FOCAD: variants seen among roughly 807,000 people sequenced by gnomAD.
The protein encoded by FOCAD is KIAA1797.
In FOCAD, 198 loss-of-function variants were observed where a neutral mutation model predicts 225.6. The observed-to-expected ratio is 0.88, with a 90% confidence interval of 0.78 to 0.99. The LOEUF (loss-of-function observed/expected upper bound fraction) is 0.99. Among genes scored for constraint, FOCAD ranks in the 50% least tolerant of loss-of-function variants. The pLI is 0.00. For synonymous variants in FOCAD, 897 were observed against 755.0 expected, an observed-to-expected ratio of 1.19 and a Z score of -3.08; for missense variants, 2,713 against 2,123.6, an observed-to-expected ratio of 1.28 and a Z score of -5.46.
intron 21 of FOCAD, among the ~76,000 whole-genome samples, chr9:20,901,062 C>T (rs1043871236): frequency 1.3e-5 from 2 of 151,774 alleles, no homozygotes; most frequent in Admixed American, 1.3e-4. Context: ...TTATTTTGCC[C>T]CAACAAGATT....
chr9:20,852,271 G>A (rs1827734152), intron 15 of FOCAD, among the ~76,000 whole-genome samples: 1 of 151,654 alleles, frequency 6.6e-6, no homozygotes, highest in Admixed American at 6.6e-5. Flanking sequence ...GTAGATTATA[G>A]GTTTTGTCTT....
At chr9:20,914,631 G>T (rs1833724722) in intron 23 of FOCAD, among the ~76,000 whole-genome samples, 1 of 152,192 alleles carries the variant, frequency 6.6e-6, no homozygotes, top group South Asian at 2.1e-4. Context: ...GGCAAAGCCT[G>T]TGTGGCATGG....
rs139308244 is a variant in FOCAD at position 20,702,139 on chromosome 9, G to C, written c.-32-13183G>C. On this transcript the variant is annotated intron_variant, in intron 1 of 43. Transcript: ENST00000338382. ...ATTATTAGCTATAGGGCATTGTTCT[G>C]TTGCCCAGGCTGGAGTGCAGTGGCA... Among the ~76,000 whole-genome samples the C allele has an allele frequency of 2.2e-4, 33 of 152,106 alleles. 1 individual carries two copies. The East Asian group carries it at 6.4e-3, about 29-fold the overall frequency.
chr9:20,664,099 G>A (rs1413634139), intron 2 of FOCAD, among the ~76,000 whole-genome samples: 5 of 151,830 alleles, frequency 3.3e-5, no homozygotes, highest in Non-Finnish European at 7.4e-5. Context: ...TGAAATGAAT[G>A]TATTAACTCT....
intron 8 of FOCAD, 70 bp downstream of exon 8, chr9:20,770,308 A>T (rs1055753914): frequency 7.2e-7 from 1 of 1,397,256 alleles, no homozygotes; most frequent in African/African-American, 1.4e-5. Context: ...GGTAATTTAT[A>T]AAGAAATGAG....
rs569873960 is a variant in FOCAD at position 20,750,275 on chromosome 9, G to T, written c.393-7815G>T. On this transcript the variant is annotated intron_variant, in intron 5 of 43. Coordinates refer to ENST00000338382, the MANE Select transcript of FOCAD (RefSeq NM_001375567.1). Reference sequence around the variant, plus strand: ...TACGTTTATTGTAGATAGGCATTTGGCACTGAAAGGGAAACAAAAAGATTA... The same window carrying T: ...TACGTTTATTGTAGATAGGCATTTGTCACTGAAAGGGAAACAAAAAGATTA... Among the ~76,000 whole-genome samples the T allele has an allele frequency of 2.6e-4, 40 of 152,226 alleles. 1 individual carries two copies. The highest frequency in any genetic ancestry group is 2.1e-4 in the South Asian group (1 of 4,832).
At chr9:20,935,630 C>T (rs1004820864) in intron 28 of FOCAD, among the ~76,000 whole-genome samples, 2 of 152,204 alleles carry the variant, frequency 1.3e-5, no homozygotes, top group African/African-American at 4.8e-5. Flanking sequence ...AACTCCTGAC[C>T]TCATGTGATC....
chr9:20,706,951 G>A (rs963848055), intron 1 of FOCAD, among the ~76,000 whole-genome samples: 5 of 152,172 alleles, frequency 3.3e-5, no homozygotes, highest in Admixed American at 6.5e-5. Flanking sequence ...CTCTGGTTCC[G>A]AAGAGAGAGT....
chr9:20,882,224 C>G (rs1180335077), intron 20 of FOCAD, among the ~76,000 whole-genome samples, 168 bp downstream of exon 20: 2 of 152,106 alleles, frequency 1.3e-5, no homozygotes, highest in African/African-American at 2.4e-5. Context: ...ACTGTAGAAG[C>G]AAAGACAAAT....
At chr9:20,925,715 G>T (rs1032475879) in intron 25 of FOCAD, among the ~76,000 whole-genome samples, 9 of 151,768 alleles carry the variant, frequency 5.9e-5, no homozygotes, top group Admixed American at 2.0e-4. Flanking sequence ...AATGAGTGGG[G>T]TTTTTTTTGT....
chr9:20,894,838 A>T (rs1461603523), intron 21 of FOCAD, among the ~76,000 whole-genome samples: 2 of 152,054 alleles, frequency 1.3e-5, no homozygotes, highest in African/African-American at 4.8e-5. Context: ...AATGAAGTCC[A>T]GCATATCCAT....
chr9:20,757,419 A>G (rs1374319544), intron 5 of FOCAD, among the ~76,000 whole-genome samples: 2 of 152,162 alleles, frequency 1.3e-5, no homozygotes, highest in Non-Finnish European at 2.9e-5. Context: ...TTCTTTGAGA[A>G]TCCTTCAAAT....
intron 1 of FOCAD, among the ~76,000 whole-genome samples, chr9:20,685,933 C>T (rs1267852187): frequency 2.6e-5 from 4 of 152,100 alleles, no homozygotes; most frequent in African/African-American, 9.7e-5. Context: ...GGACGTATAA[C>T]CAGAGTTTTT....
chr9:20,960,831 AG>A (rs201522566), intron 35 of FOCAD, among the ~76,000 whole-genome samples: 2,130 of 149,092 alleles, frequency 0.014, 54 homozygotes, highest in African/African-American at 0.051. Context: ...CCTATGAGTG[AG>A]AACATGTGGT....
intron 36 of FOCAD, among the ~76,000 whole-genome samples, chr9:20,978,089 G>A (rs1387004523): frequency 6.6e-6 from 1 of 152,150 alleles, no homozygotes; most frequent in African/African-American, 2.4e-5. Flanking sequence ...AGTTTCCTCT[G>A]GATATCATAA....
At chr9:20,796,239 A>G (rs1294609299) in intron 11 of FOCAD, among the ~76,000 whole-genome samples, 1 of 152,150 alleles carries the variant, frequency 6.6e-6, no homozygotes, top group African/African-American at 2.4e-5. Context: ...GTTGGTTCCA[A>G]GTCTTTGCTG....
chr9:20,724,156 A>G (rs1337669178), intron 4 of FOCAD, among the ~76,000 whole-genome samples: 1 of 152,238 alleles, frequency 6.6e-6, no homozygotes, highest in East Asian at 1.9e-4. Flanking sequence ...ATATGTCAAC[A>G]TAAGATTTGG....
At chr9:20,671,618 G>GAT (rs34651020) in intron 2 of FOCAD, among the ~76,000 whole-genome samples, 125,530 of 151,928 alleles carry the variant, frequency 0.83, 51,924 homozygotes, top group South Asian at 0.87. Flanking sequence ...TGTAATAAAA[G>GAT]AGGAGAGATT....
chr9:20,676,245 T>G (rs1467611226), intron 2 of FOCAD, among the ~76,000 whole-genome samples: 1 of 152,232 alleles, frequency 6.6e-6, no homozygotes, highest in Non-Finnish European at 1.5e-5. Context: ...TCTGGTGGAC[T>G]TAATGATCAA....
Sources: allele counts gnomAD v4.1 joint callset (sites outside exome capture counted in the v4.1 genomes callset), GRCh38; gene constraint gnomAD v4.1.1; transcripts MANE v1.5; gene names NCBI Gene and HGNC (gene_info 2026-07-23, HGNC 2026-07-21).